TBC1D1: variants seen among roughly 807,000 people sequenced by gnomAD.
The protein encoded by TBC1D1 is TBC1 domain family member 1.
A neutral mutation model predicts 125.6 loss-of-function variants in TBC1D1; 89 were observed. The ratio of observed to expected loss-of-function variants is 0.71; its 90% CI spans 0.60 to 0.85. The LOEUF (loss-of-function observed/expected upper bound fraction) is 0.85, where lower values mean the gene tolerates loss of function less well. TBC1D1 is among the 40% of genes least tolerant of loss of function. TBC1D1 has a pLI of 0.00. For synonymous variants in TBC1D1, 565 were observed against 564.1 expected, an observed-to-expected ratio of 1.00 and a Z score of -0.02; for missense variants, 1,377 against 1,469.2, an observed-to-expected ratio of 0.94 and a Z score of 1.03.
intron 12 of TBC1D1, among the ~76,000 whole-genome samples, chr4:38,078,030 CTTAAAG>C (rs1755899715): frequency 6.6e-6 from 1 of 152,234 alleles, no homozygotes; most frequent in Admixed American, 6.5e-5. Flanking sequence ...CAGGACCTGG[CTTAAAG>C]TTAAAGAACA....
intron 12 of TBC1D1, chr4:38,054,990 C>T (rs1751428315): frequency 6.6e-6 from 1 of 152,194 alleles, no homozygotes; most frequent in African/African-American, 2.4e-5. Flanking sequence ...TCTAGCATTC[C>T]TAGAGGAACG....
intron 2 of TBC1D1, among the ~76,000 whole-genome samples, chr4:37,951,821 G>T (rs186504305): frequency 6.6e-6 from 1 of 152,104 alleles, no homozygotes; most frequent in South Asian, 2.1e-4. Context: ...TCTGTAGAGG[G>T]GTCACAGCCT....
chr4:38,055,593 G>T (rs1687737748), intron 12 of TBC1D1, among the ~76,000 whole-genome samples: 1 of 152,160 alleles, frequency 6.6e-6, no homozygotes, highest in Non-Finnish European at 1.5e-5. Context: ...CTATGTGGGG[G>T]CACCATGGAG....
intron 14 of TBC1D1, among the ~76,000 whole-genome samples, chr4:38,100,510 C>G (rs919790964): frequency 2.0e-5 from 3 of 152,224 alleles, no homozygotes; most frequent in Non-Finnish European, 2.9e-5. Flanking sequence ...CTCTCCTCCT[C>G]CCAAAGTCCT....
At chr4:37,950,734 A>G (rs1239904867) in intron 2 of TBC1D1, among the ~76,000 whole-genome samples, 1 of 151,502 alleles carries the variant, frequency 6.6e-6, no homozygotes, top group African/African-American at 2.4e-5. Flanking sequence ...TGTGAATTGG[A>G]CAAATGTACA....
In TBC1D1 at chr4:38,028,110, A is replaced by AAAAC. The variant is rs532025130; in HGVS notation, c.1302+251_1302+254dup. 2.4e-3 allele frequency among the ~76,000 whole-genome samples: 363 copies of AAAAC among 150,692 alleles called. 3 individuals are homozygous for AAAAC. Among genetic ancestry groups the AAAAC allele is most frequent in the African/African-American group, 8.1e-3 (327 of 40,516 alleles). ...ACACGATAGCTGATGAGCTGCTAAA[A>AAAAC]AAACAAACAAACAAACAAACAAAAA... is the stretch of plus-strand genomic sequence containing the variant. On this transcript the variant is annotated intron_variant, in intron 7 of 19. Transcript: ENST00000261439.
chr4:38,090,181 C>A, intron 13 of TBC1D1, 64 bp downstream of exon 15: 1 of 1,478,254 alleles, frequency 6.8e-7, no homozygotes, highest in Non-Finnish European at 9.3e-7. Flanking sequence ...TTAATCACAT[C>A]AGACATAAGC....
Position 38,054,224 on chromosome 4 carries a change from C to A in TBC1D1, c.1936C>A (p.Leu646Ile), listed in dbSNP as rs148919679. ...GGACTTTGAATCCAAAGCAAACCAT[C>A]TTGGTGATTCTGGTGGGACTCCTGT... is the stretch of plus-strand genomic sequence containing the variant. Residue 646 changes from leucine (L) to isoleucine (I), a missense_variant, in exon 12 of 20, where the codon CTT becomes ATT. Around this residue, in one of 3 missense-constraint regions of TBC1D1, gnomAD observed 822 missense variants for 824.6 expected, o/e 1.00. Coordinates refer to ENST00000261439, the MANE Select transcript of TBC1D1 (RefSeq NM_015173.4). 88 of 1,614,176 alleles carry A rather than the reference C, an allele frequency of 5.5e-5. 1 individual carries two copies. In the African/African-American group the frequency reaches 1.0e-3, roughly 18 times the overall value.
chr4:38,049,660 A>G lies in TBC1D1; in HGVS notation c.1672A>G (p.Ser558Gly), dbSNP rs1750113649. The G allele has an allele frequency of 3.1e-6, 5 of 1,613,278 alleles. No individual in the cohort carries two copies. The highest frequency in any genetic ancestry group is 4.2e-6 in the Non-Finnish European group (5 of 1,179,496). ...AAAGGAGGCCTTGCCCATCTCTGAGAGCTCCTTTAAGCTCCTCGGCTCCTC... is the reference window on the plus strand; with the variant it reads ...AAAGGAGGCCTTGCCCATCTCTGAGGGCTCCTTTAAGCTCCTCGGCTCCTC... Residue 558 changes from serine to glycine, a missense_variant, in exon 11 of 20, where the codon AGC (serine) becomes GGC (glycine). Coordinates refer to ENST00000261439, the MANE Select transcript of TBC1D1 (RefSeq NM_015173.4).
chr4:38,035,747 T>C, intron 8 of TBC1D1, 49 bp downstream of exon 8: 1 of 1,362,666 alleles, frequency 7.3e-7, no homozygotes. Flanking sequence ...CTGCCAAGTC[T>C]CTGTATAAAC....
At chr4:38,069,759 AC>A (rs1410556584) in intron 12 of TBC1D1, among the ~76,000 whole-genome samples, 1 of 152,166 alleles carries the variant, frequency 6.6e-6, no homozygotes, top group South Asian at 2.1e-4. Flanking sequence ...AGGGTCACTT[AC>A]CCAGGGAGAG....
At chr4:37,961,226 A>G (rs934110228) in intron 2 of TBC1D1, 1 of 689,898 alleles carries the variant, frequency 1.4e-6, no homozygotes, top group African/African-American at 1.8e-5. Context: ...ATATGTCAAC[A>G]TGATTTACTT....
intron 14 of TBC1D1, among the ~76,000 whole-genome samples, chr4:38,101,125 T>G (rs1760244332): frequency 6.6e-6 from 1 of 152,222 alleles, no homozygotes; most frequent in Non-Finnish European, 1.5e-5. Flanking sequence ...TGGTGCATAG[T>G]GGCCTCGCAA....
intron 2 of TBC1D1, among the ~76,000 whole-genome samples, chr4:37,993,613 G>A (rs996463601): frequency 1.3e-5 from 2 of 151,986 alleles, no homozygotes; most frequent in African/African-American, 2.4e-5. Flanking sequence ...ATGCAGTCTC[G>A]CTCTGTTGCC....
At chr4:37,927,097 G>A (rs946513259) in intron 2 of TBC1D1, among the ~76,000 whole-genome samples, 2 of 151,754 alleles carry the variant, frequency 1.3e-5, no homozygotes, top group African/African-American at 4.8e-5. Flanking sequence ...CCAGCCTGGG[G>A]GACAGAGCGA....
At chr4:38,111,817 G>C (rs1036495073) in intron 15 of TBC1D1, 3 of 394,854 alleles carry the variant, frequency 7.6e-6, no homozygotes, top group African/African-American at 2.2e-5. Flanking sequence ...ATAGAATTTC[G>C]TGTAAAACGT....
At chr4:38,099,360 T>A (rs1759903951) in intron 14 of TBC1D1, among the ~76,000 whole-genome samples, 1 of 152,172 alleles carries the variant, frequency 6.6e-6, no homozygotes, top group South Asian at 2.1e-4. Flanking sequence ...CTGTTGATAT[T>A]TCCATGTGCG....
intron 13 of TBC1D1, among the ~76,000 whole-genome samples, chr4:38,095,474 G>A (rs1339318166): frequency 6.6e-6 from 1 of 152,192 alleles, no homozygotes; most frequent in East Asian, 1.9e-4. Context: ...TGGGACCCAT[G>A]GTAGAAGCTA....
At chr4:38,032,928 A>T (rs1746457811) in intron 7 of TBC1D1, among the ~76,000 whole-genome samples, 1 of 152,004 alleles carries the variant, frequency 6.6e-6, no homozygotes, top group Non-Finnish European at 1.5e-5. Context: ...GGGAGGTGAC[A>T]CCTCACTAAT....
Sources: gnomAD v4.1 joint callset for allele counts (sites outside exome capture counted in the v4.1 genomes callset) on GRCh38, gnomAD v4.1.1 for gene constraint, gnomAD v4.1.1 regional missense constraint, MANE v1.5 for transcripts, NCBI Gene and HGNC (gene_info 2026-07-23, HGNC 2026-07-21) for gene names.